The following COBL variants were observed in gnomAD, a reference collection of about 807,000 sequenced individuals.
The protein encoded by COBL is cordon-bleu WH2 repeat protein, also known as protein cordon-bleu.
Under a neutral mutation model 98.8 loss-of-function variants are expected in COBL, and 51 were observed. The observed-to-expected ratio is 0.52, with a 90% CI of 0.41 to 0.65. COBL has a LOEUF of 0.65. Ranked by LOEUF, COBL falls within the 30% of genes least tolerant of loss-of-function variation. COBL has a pLI of 0.00. For synonymous variants in COBL, 634 were observed against 651.7 expected (o/e 0.97, Z 0.41); for missense variants, 1,617 against 1,617.5 (o/e 1.00, Z 0.01).
chr7:51,078,027 C>T (rs540976201), intron 7 of COBL, among the ~76,000 whole-genome samples: 6 of 152,158 alleles, frequency 3.9e-5, no homozygotes, highest in East Asian at 3.9e-4. Context: ...ATGTGTAGTG[C>T]GCACTGCTGG....
At chr7:51,209,046 TAAAAAAAA>T (rs572689062) in intron 2 of COBL, among the ~76,000 whole-genome samples, 5 of 43,434 alleles carry the variant, frequency 1.2e-4, no homozygotes, top group African/African-American at 4.0e-4. Context: ...AATGATCAAT[TAAAAAAAA>T]AAAAAAAAAA....
At position 51,027,742 on chromosome 7, in the gene COBL, G is replaced by A. The variant is rs757459641; in HGVS notation, c.3354C>T (p.His1118=). 1.2e-6 allele frequency: 2 copies of A among 1,614,040 alleles called. No individual in the cohort carries two copies. The highest frequency in any genetic ancestry group is 1.7e-5 in the Admixed American group (1 of 60,012). ...GTAGTCTGTCCTTCCCTCCCGCAGA[G>A]TGGATGGCTTCCATCAGGGCAGAGT... ...SLHSALMEAI[H]SAGGKDRLRK... Residue 1118 remains histidine, a synonymous_variant, in exon 10 of 13, where the codon CAC becomes CAT. Transcript: ENST00000265136.
chr7:51,137,796 C>T (rs1006204012), intron 5 of COBL, among the ~76,000 whole-genome samples: 19 of 152,082 alleles, frequency 1.2e-4, no homozygotes, highest in Non-Finnish European at 2.5e-4. Flanking sequence ...AGTCAACCTT[C>T]CTGAGACAAT....
chr7:51,270,909 AC>A (rs1363717331), intron 1 of COBL, among the ~76,000 whole-genome samples: 2 of 152,210 alleles, frequency 1.3e-5, no homozygotes, highest in African/African-American at 4.8e-5. Context: ...CATAGTACTG[AC>A]ATATTAACTT....
At chr7:51,208,114 C>T (rs535409373) in intron 2 of COBL, among the ~76,000 whole-genome samples, 110 of 151,874 alleles carry the variant, frequency 7.2e-4, no homozygotes, top group African/African-American at 2.5e-3. Context: ...CGCCTCTGCC[C>T]GGCCGTGACC....
intron 1 of COBL, among the ~76,000 whole-genome samples, chr7:51,267,832 C>T (rs1798365243): frequency 6.6e-6 from 1 of 152,152 alleles, no homozygotes; most frequent in South Asian, 2.1e-4. Flanking sequence ...CCTCAGCCTC[C>T]CAAAGTGCTG....
intron 8 of COBL, among the ~76,000 whole-genome samples, chr7:51,042,901 G>A (rs958086132): frequency 2.6e-5 from 4 of 152,256 alleles, no homozygotes; most frequent in South Asian, 4.1e-4. Flanking sequence ...TGGGGGGCCC[G>A]CCAACTGCAT....
intron 5 of COBL, among the ~76,000 whole-genome samples, chr7:51,173,000 G>A (rs1252132616): frequency 6.6e-6 from 1 of 151,864 alleles, no homozygotes; most frequent in African/African-American, 2.4e-5. Context: ...TGTTGGCCAG[G>A]CTGTTCTCGA....
intron 6 of COBL, 97 bp downstream of exon 6, chr7:51,136,061 C>G (rs754636341): frequency 2.7e-6 from 4 of 1,459,054 alleles, no homozygotes; most frequent in Non-Finnish European, 3.7e-6. Context: ...GCTACAGCCA[C>G]AAACATGAAG....
intron 6 of COBL, among the ~76,000 whole-genome samples, chr7:51,112,431 T>C (rs1247095464): frequency 1.3e-5 from 2 of 152,208 alleles, no homozygotes; most frequent in Non-Finnish European, 2.9e-5. Context: ...TAACACAATG[T>C]TACCTCCAGA....
At chr7:51,178,468 G>A (rs1788626195) in intron 5 of COBL, among the ~76,000 whole-genome samples, 1 of 152,142 alleles carries the variant, frequency 6.6e-6, no homozygotes, top group African/African-American at 2.4e-5. Context: ...TAATACAAAG[G>A]CAAAACTTGT....
At chr7:51,291,904 TA>T (rs1252230007) in intron 1 of COBL, among the ~76,000 whole-genome samples, 1 of 152,128 alleles carries the variant, frequency 6.6e-6, no homozygotes, top group Non-Finnish European at 1.5e-5. Flanking sequence ...CTCACACCTG[TA>T]ATCCCAGCAT....
At chr7:51,073,138 TATA>T (rs777229845) in intron 7 of COBL, 9 of 392,606 alleles carry the variant, frequency 2.3e-5, no homozygotes, top group Non-Finnish European at 4.0e-5. Flanking sequence ...AAAATTTGCA[TATA>T]ATTTACCTCC....
chr7:51,203,314 T>C (rs1459929507), intron 2 of COBL, among the ~76,000 whole-genome samples: 1 of 123,348 alleles, frequency 8.1e-6, no homozygotes, highest in African/African-American at 3.7e-5. Context: ...TACAAAAAAT[T>C]AGCCGGGTGT....
At position 51,103,076 on chromosome 7, in the gene COBL, T is replaced by C. The variant is rs563746525; in HGVS notation, c.958-17772A>G. 7.9e-5 allele frequency among the ~76,000 whole-genome samples: 12 copies of C among 152,286 alleles called. No homozygotes were observed. In the South Asian group the frequency reaches 2.5e-3, roughly 32 times the overall value. On this transcript the variant is annotated intron_variant, in intron 6 of 12. Transcript: ENST00000265136. ...GTTCAGTGTTCCTACCACAAAAAAA[T>C]AACATTCTTAAAAACTGTGATTCAT...
intron 1 of COBL, among the ~76,000 whole-genome samples, chr7:51,250,756 T>C (rs1478056624): frequency 6.6e-6 from 1 of 152,220 alleles, no homozygotes; most frequent in African/African-American, 2.4e-5. Context: ...GTGGCAGTCC[T>C]TCACACACAA....
intron 6 of COBL, among the ~76,000 whole-genome samples, chr7:51,088,502 T>C (rs1179203216): frequency 1.3e-5 from 2 of 152,186 alleles, no homozygotes; most frequent in African/African-American, 4.8e-5. Flanking sequence ...TAGCTTCTCT[T>C]TCCTCTCAGA....
chr7:51,119,257 C>T (rs1318983229), intron 6 of COBL, among the ~76,000 whole-genome samples: 2 of 151,946 alleles, frequency 1.3e-5, no homozygotes, highest in African/African-American at 2.4e-5. Context: ...TTCTCATTAC[C>T]ATATATATCC....
At chr7:51,051,057 A>C (rs1790186270) in intron 7 of COBL, among the ~76,000 whole-genome samples, 1 of 152,156 alleles carries the variant, frequency 6.6e-6, no homozygotes, top group African/African-American at 2.4e-5. Context: ...CTTGAGTATA[A>C]TCTAACTTAG....
Sources: gnomAD v4.1 joint callset for allele counts (sites outside exome capture counted in the v4.1 genomes callset) on GRCh38, gnomAD v4.1.1 for gene constraint, MANE v1.5 for transcripts, NCBI Gene and HGNC (gene_info 2026-07-23, HGNC 2026-07-21) for gene names.